The following DHX9 variants were observed in gnomAD, a reference collection of about 807,000 sequenced individuals.
DHX9 encodes DExH-box helicase 9.
In DHX9, 27 loss-of-function variants were observed where a neutral mutation model predicts 148.7. The ratio of observed to expected loss-of-function variants is 0.18; its 90% CI spans 0.13 to 0.25. DHX9 has a LOEUF of 0.25. Ranked by LOEUF, DHX9 falls within the 10% of genes least tolerant of loss-of-function variation. The probability of loss-of-function intolerance (pLI) is 1.00; values close to 1 mark genes in which losing one functional copy is unlikely to be tolerated. For synonymous variants in DHX9, 529 were observed against 516.6 expected, an observed-to-expected ratio of 1.02 and a Z score of -0.33; for missense variants, 796 against 1,559.6, an observed-to-expected ratio of 0.51 and a Z score of 8.25.
Position 182,887,559 on chromosome 1 carries a change from T to G in DHX9, c.*125T>G. Reference sequence around the variant, plus strand: ...AAATGCATTTTCACCCATTCTGTGGTTCATTGTAGTTTAAGGAAACCAAGC... The same window carrying G: ...AAATGCATTTTCACCCATTCTGTGGGTCATTGTAGTTTAAGGAAACCAAGC... On this transcript the variant is annotated 3_prime_UTR_variant, in exon 28 of 28. Transcript: ENST00000367549. 1.2e-6 allele frequency: 1 copy of G among 836,230 alleles called. No individual in the cohort carries two copies. The highest frequency in any genetic ancestry group is 1.8e-6 in the Non-Finnish European group (1 of 540,634). The allele number at this position is 836,230 out of a possible 1,614,324, so 51.8% of individuals were successfully genotyped here.
At chr1:182,842,778 AGGAAACG>A in intron 2 of DHX9, 101 bp downstream of exon 2, 3 of 794,892 alleles carry the variant, frequency 3.8e-6, no homozygotes, top group Non-Finnish European at 5.9e-6. Context: ...GTTGCACATT[AGGAAACG>A]ACAGTTCTTT....
intron 1 of DHX9, 158 bp downstream of exon 1, chr1:182,839,614 G>C (rs1178019205): frequency 6.6e-6 from 1 of 152,086 alleles, no homozygotes; most frequent in Non-Finnish European, 1.5e-5. Context: ...CCGGATTGCG[G>C]GTTGCGTGCG....
chr1:182,842,083 C>T (rs1667942322), intron 1 of DHX9, among the ~76,000 whole-genome samples: 1 of 152,104 alleles, frequency 6.6e-6, no homozygotes, highest in African/African-American at 2.4e-5. Flanking sequence ...TGAATTTAGG[C>T]CTCCACGGTG....
Position 182,858,116 on chromosome 1 carries a change from G to T in DHX9, c.686G>T (p.Arg229Leu). The T allele has an allele frequency of 1.2e-6, 2 of 1,611,018 alleles. No individual in the cohort carries two copies. Among genetic ancestry groups the T allele is most frequent in the South Asian group, 2.2e-5 (2 of 90,272 alleles). Residue 229 changes from arginine (R) to leucine (L), a missense_variant, in exon 8 of 28, where the codon CGA becomes CTA. Physicochemically the swap from Arg to Leu is moderately radical, Grantham distance 102. Around this residue, in one of 14 missense-constraint regions of DHX9, gnomAD observed 46 missense variants for 136.3 expected, o/e 0.34. Transcript: ENST00000367549. Reference protein sequence around the residue: ...IKQLGRRIFAREHGSNKKLAA... With the variant: ...IKQLGRRIFALEHGSNKKLAA... ...CCTTACATTATAGGGATTTTTGCAC[G>T]AGAACATGGATCAAATAAGAAATTG...
chr1:182,852,322 T>C lies in DHX9; in HGVS notation c.342T>C (p.Pro114=), dbSNP rs1194650590. The C allele has an allele frequency of 6.2e-7, 1 of 1,612,198 alleles. No homozygotes were observed. Among genetic ancestry groups the C allele is most frequent in the South Asian group, 1.1e-5 (1 of 90,806 alleles). ...DLPTTMGGPL[P]PHLALKAENN... ...CAACAACCATGGGAGGACCTCTTCC[T>C]CCACATCTGGCTCTCAAAGCAGGTA... Residue 114 remains proline, a synonymous_variant, in exon 4 of 28, where the codon CCT becomes CCC. Coordinates refer to ENST00000367549, the MANE Select transcript of DHX9 (RefSeq NM_001357.5).
chr1:182,872,163 T>C (rs1333801999), intron 14 of DHX9, among the ~76,000 whole-genome samples, 174 bp from the exon 15 acceptor site: 1 of 152,250 alleles, frequency 6.6e-6, no homozygotes, highest in Admixed American at 6.5e-5. Flanking sequence ...AAAATTGTTA[T>C]TGTTATCTTA....
chr1:182,858,896 T>TGAGTGCAATATTGTTTTTGA lies in DHX9; in HGVS notation c.1062+5_1062+24dup. 3.7e-6 allele frequency: 6 copies of TGAGTGCAATATTGTTTTTGA among 1,614,032 alleles called. No individual in the cohort carries two copies. The highest frequency in any genetic ancestry group is 5.1e-6 in the Non-Finnish European group (6 of 1,179,970). On this transcript the variant is annotated splice_region_variant and intron_variant, in intron 10 of 27. Transcript: ENST00000367549. ...ATTGATGAGGGGCCTCTGGCTTTTG[T>TGAGTGCAATATTGTTTTTGA]GAGTGCAATATTGTTTTTGAGATCA...
intron 12 of DHX9, among the ~76,000 whole-genome samples, chr1:182,865,709 A>G (rs1443180604): frequency 6.6e-6 from 1 of 152,186 alleles, no homozygotes; most frequent in East Asian, 1.9e-4. Context: ...ATCAAATCCA[A>G]GGCACCTTAA....
At chr1:182,883,086 G>A (rs985920033) in intron 24 of DHX9, 53 bp from the exon 25 acceptor site, 3 of 1,187,984 alleles carry the variant, frequency 2.5e-6, no homozygotes, top group African/African-American at 3.0e-5. Flanking sequence ...TGCATGTAAT[G>A]TGAAGATCAG....
chr1:182,858,282 T>G, intron 8 of DHX9, 42 bp downstream of exon 8: 1 of 1,593,388 alleles, frequency 6.3e-7, no homozygotes, highest in Middle Eastern at 1.7e-4. Flanking sequence ...TAGTGTGAGA[T>G]TCAATTTAGC....
chr1:182,852,196 A>G (rs754205412), intron 3 of DHX9, 37 bp from the exon 4 acceptor site: 3 of 1,462,952 alleles, frequency 2.1e-6, no homozygotes, highest in Non-Finnish European at 1.9e-6. Context: ...CGTGAAGGCA[A>G]AAGCACTGAC....
rs1198839774 is a variant in DHX9, at chr1:182,876,560, A to G, written c.2124+19A>G. The G allele has an allele frequency of 1.3e-6, 2 of 1,594,492 alleles. No individual in the cohort carries two copies. The highest frequency in any genetic ancestry group is 3.3e-5 in the Admixed American group (2 of 59,954). ...AACCAAGGTAAATATTAAACATTAG[A>G]GTGATGGGATTGGAAGTGACGTAGA... On this transcript the variant is annotated intron_variant, in intron 18 of 27. Coordinates refer to ENST00000367549, the MANE Select transcript of DHX9 (RefSeq NM_001357.5).
At chr1:182,886,251 A>G (rs1649323570) in intron 27 of DHX9, among the ~76,000 whole-genome samples, 1 of 151,908 alleles carries the variant, frequency 6.6e-6, no homozygotes, top group East Asian at 1.9e-4. Context: ...GCTGGAGTGC[A>G]GTGGTGCCAT....
At chr1:182,847,842 T>A (rs536025429) in intron 3 of DHX9, among the ~76,000 whole-genome samples, 26 of 152,280 alleles carry the variant, frequency 1.7e-4, no homozygotes, top group Middle Eastern at 3.4e-3. Flanking sequence ...ATTGCCTGCA[T>A]ATAGTTCTGG....
chr1:182,872,750 A>G (rs1336939515), intron 15 of DHX9, among the ~76,000 whole-genome samples: 1 of 152,248 alleles, frequency 6.6e-6, no homozygotes, highest in Non-Finnish European at 1.5e-5. Flanking sequence ...GCCTTTACTT[A>G]TAAAGCCAAA....
chr1:182,876,807 G>A (rs2102616299), intron 18 of DHX9, 23 bp from the exon 19 acceptor site: 3 of 1,559,706 alleles, frequency 1.9e-6, no homozygotes, highest in South Asian at 2.3e-5. Context: ...ATTTTCTGGA[G>A]TGTAATTTTT....
At chr1:182,857,965 A>G in intron 7 of DHX9, 139 bp from the exon 8 acceptor site, 1 of 771,274 alleles carries the variant, frequency 1.3e-6, no homozygotes, top group Non-Finnish European at 2.0e-6. Context: ...ATATTAATAG[A>G]ATAAAAAGGA....
intron 15 of DHX9, among the ~76,000 whole-genome samples, chr1:182,874,210 G>A (rs1648667107): frequency 6.6e-6 from 1 of 152,186 alleles, no homozygotes; most frequent in Non-Finnish European, 1.5e-5. Flanking sequence ...TACAGTGTGG[G>A]AAGAAGGGAA....
Position 182,842,689 on chromosome 1 carries a change from T to C in DHX9, c.111+12T>C, listed in dbSNP as rs1667953500. 1 of 1,593,122 alleles carries C rather than the reference T, an allele frequency of 6.3e-7. No homozygotes were observed. Among genetic ancestry groups the C allele is most frequent in the African/African-American group, 1.3e-5 (1 of 74,194 alleles). ...AATTCATGTGTGAGGTACTGAAGAATACAGTTTGCATTTATGTGATTTATG... is the reference window on the plus strand; with the variant it reads ...AATTCATGTGTGAGGTACTGAAGAACACAGTTTGCATTTATGTGATTTATG... On this transcript the variant is annotated intron_variant, in intron 2 of 27. Transcript: ENST00000367549.
Sources: gnomAD v4.1 joint callset for allele counts (sites outside exome capture counted in the v4.1 genomes callset) on GRCh38, gnomAD v4.1.1 for gene constraint, gnomAD v4.1.1 regional missense constraint, MANE v1.5 for transcripts, NCBI Gene and HGNC (gene_info 2026-07-23, HGNC 2026-07-21) for gene names.